The following GABRB1 variants were observed in gnomAD, a reference collection of about 807,000 sequenced individuals.
The protein encoded by GABRB1 is gamma-aminobutyric acid receptor subunit beta-1.
Under a neutral mutation model 51.6 loss-of-function variants are expected in GABRB1, and 17 were observed. The ratio of observed to expected loss-of-function variants is 0.33; its 90% CI spans 0.23 to 0.49. The LOEUF is 0.49. GABRB1 is among the 20% of genes least tolerant of loss of function. The pLI is 0.99. For missense variants in GABRB1, 410 were observed against 600.6 expected (o/e 0.68, Z 3.32); for synonymous variants, 247 against 218.9 (o/e 1.13, Z -1.14).
intron 4 of GABRB1, among the ~76,000 whole-genome samples, chr4:47,248,451 G>A (rs1012606591): frequency 2.0e-5 from 3 of 151,808 alleles, no homozygotes; most frequent in African/African-American, 7.3e-5. Context: ...TAGCATCTAT[G>A]TTCATCAAGG....
chr4:47,177,062 G>T (rs1718733862), intron 4 of GABRB1, among the ~76,000 whole-genome samples: 1 of 152,092 alleles, frequency 6.6e-6, no homozygotes, highest in Non-Finnish European at 1.5e-5. Flanking sequence ...TGAGCACAAG[G>T]TCAGGTCTCA....
At chr4:47,203,833 G>A (rs570542317) in intron 4 of GABRB1, among the ~76,000 whole-genome samples, 2 of 152,174 alleles carry the variant, frequency 1.3e-5, no homozygotes, top group East Asian at 1.9e-4. Context: ...ACAAATGTAT[G>A]TTCACAGCCC....
chr4:47,154,322 A>G (rs977079348), intron 3 of GABRB1, among the ~76,000 whole-genome samples: 4 of 150,388 alleles, frequency 2.7e-5, no homozygotes, highest in African/African-American at 9.8e-5. Flanking sequence ...TAGTATATAC[A>G]GGTGACTTGT....
intron 4 of GABRB1, among the ~76,000 whole-genome samples, chr4:47,288,862 G>A (rs991231908): frequency 2.6e-5 from 4 of 152,070 alleles, no homozygotes; most frequent in Non-Finnish European, 4.4e-5. Context: ...GGAGACAAGC[G>A]GTCTACCCAG....
intron 4 of GABRB1, among the ~76,000 whole-genome samples, chr4:47,226,142 A>C (rs1720937449): frequency 6.6e-6 from 1 of 152,168 alleles, no homozygotes; most frequent in Non-Finnish European, 1.5e-5. Flanking sequence ...TGTTCTCAAG[A>C]ACTTATATTT....
rs137994085 is a variant in GABRB1 at position 47,370,255 on chromosome 4, G to A, written c.545-33063G>A. 2.7e-3 allele frequency among the ~76,000 whole-genome samples: 412 copies of A among 152,264 alleles called. 1 individual carries two copies. Among genetic ancestry groups the A allele is most frequent in the Middle Eastern group, 6.8e-3 (2 of 292 alleles). ...TGTAATCTCAGCACGTTGGGTGGCCGAGGCGAGTGGATCACAAAGTCAGGA... is the reference window on the plus strand; with the variant it reads ...TGTAATCTCAGCACGTTGGGTGGCCAAGGCGAGTGGATCACAAAGTCAGGA... On this transcript the variant is annotated intron_variant, in intron 5 of 8. Coordinates refer to ENST00000295454, the MANE Select transcript of GABRB1 (RefSeq NM_000812.4).
chr4:47,118,317 A>G (rs1237096858), intron 3 of GABRB1, among the ~76,000 whole-genome samples: 1 of 152,156 alleles, frequency 6.6e-6, no homozygotes, highest in Non-Finnish European at 1.5e-5. Flanking sequence ...ATAACTAAAG[A>G]GACTCATTCA....
At chr4:47,276,703 C>T (rs542507463) in intron 4 of GABRB1, among the ~76,000 whole-genome samples, 24 of 152,202 alleles carry the variant, frequency 1.6e-4, no homozygotes, top group South Asian at 4.1e-4. Flanking sequence ...AATCTTATTA[C>T]GCTAATGCAG....
At chr4:47,212,518 T>A (rs1011372067) in intron 4 of GABRB1, among the ~76,000 whole-genome samples, 2 of 152,026 alleles carry the variant, frequency 1.3e-5, no homozygotes, top group African/African-American at 4.8e-5. Flanking sequence ...CTACTAAAAA[T>A]ACAAATTAAA....
At chr4:47,363,101 G>A (rs766616935) in intron 5 of GABRB1, among the ~76,000 whole-genome samples, 7 of 152,026 alleles carry the variant, frequency 4.6e-5, no homozygotes, top group South Asian at 2.1e-4. Flanking sequence ...GAAGACTTCC[G>A]AATTGAGTCT....
chr4:47,174,219 G>A (rs1477793633), intron 4 of GABRB1, among the ~76,000 whole-genome samples: 2 of 151,904 alleles, frequency 1.3e-5, no homozygotes, highest in Admixed American at 6.6e-5. Flanking sequence ...CACACGCCCA[G>A]CTAATTTTTT....
At chr4:47,001,545 G>A (rs750631775) in intron 1 of GABRB1, among the ~76,000 whole-genome samples, 129 of 152,300 alleles carry the variant, frequency 8.5e-4, no homozygotes, top group Non-Finnish European at 1.3e-3. Flanking sequence ...ATTTGGGCGA[G>A]CCTCATCCAA....
intron 5 of GABRB1, among the ~76,000 whole-genome samples, chr4:47,350,999 C>T (rs1245935541): frequency 6.6e-6 from 1 of 152,230 alleles, no homozygotes; most frequent in Admixed American, 6.5e-5. Context: ...ATAAAAGTTT[C>T]TTCCACATTT....
chr4:47,324,176 C>A (rs144225668), intron 5 of GABRB1, among the ~76,000 whole-genome samples: 18 of 152,242 alleles, frequency 1.2e-4, no homozygotes, highest in African/African-American at 4.3e-4. Flanking sequence ...TGAAATCTCT[C>A]ATTTTCACTT....
chr4:47,103,714 T>C (rs1486125117), intron 3 of GABRB1, among the ~76,000 whole-genome samples: 1 of 151,962 alleles, frequency 6.6e-6, no homozygotes, highest in East Asian at 1.9e-4. Context: ...TTTTAAAATA[T>C]AATTTTGGGG....
At chr4:47,195,452 TA>T (rs1384546067) in intron 4 of GABRB1, among the ~76,000 whole-genome samples, 30 of 96,642 alleles carry the variant, frequency 3.1e-4, no homozygotes, top group South Asian at 2.6e-3. Context: ...AGATGATAGA[TA>T]GATTAGATGA....
chr4:47,307,671 A>G (rs1724518810), intron 4 of GABRB1, among the ~76,000 whole-genome samples: 1 of 152,050 alleles, frequency 6.6e-6, no homozygotes, highest in African/African-American at 2.4e-5. Flanking sequence ...GACAACAGCA[A>G]AGTTAATCTA....
intron 4 of GABRB1, among the ~76,000 whole-genome samples, chr4:47,223,579 A>G (rs952687552): frequency 6.6e-6 from 1 of 152,082 alleles, no homozygotes; most frequent in Non-Finnish European, 1.5e-5. Flanking sequence ...TATTTTGTAT[A>G]AAGAAAGTGT....
At chr4:47,146,673 G>A (rs1376945718) in intron 3 of GABRB1, among the ~76,000 whole-genome samples, 2 of 151,980 alleles carry the variant, frequency 1.3e-5, no homozygotes, top group African/African-American at 4.8e-5. Flanking sequence ...TATGCACACT[G>A]AGTGTAAGAA....
Sources: gnomAD v4.1 joint callset for allele counts (sites outside exome capture counted in the v4.1 genomes callset) on GRCh38, gnomAD v4.1.1 for gene constraint, MANE v1.5 for transcripts, NCBI Gene and HGNC (gene_info 2026-07-23, HGNC 2026-07-21) for gene names.